The following CATSPERB variants were observed in gnomAD, a reference collection of about 807,000 sequenced individuals.
CATSPERB encodes the protein cation channel sperm-associated auxiliary subunit beta.
CATSPERB carries 93 observed loss-of-function variants against 128.3 expected under a neutral mutation model. The observed-to-expected ratio is 0.72, with a 90% CI of 0.61 to 0.86. The LOEUF (loss-of-function observed/expected upper bound fraction) is 0.86, where lower values mean the gene tolerates loss of function less well. CATSPERB is among the 40% of genes least tolerant of loss of function. The pLI is 0.00. For missense variants in CATSPERB, 1,153 were observed against 1,329.5 expected, an observed-to-expected ratio of 0.87 and a Z score of 2.06; for synonymous variants, 381 against 448.8, an observed-to-expected ratio of 0.85 and a Z score of 1.91.
In CATSPERB at chr14:91,587,277, C is replaced by A; in HGVS notation, c.3058-1G>T. On this transcript the variant is annotated splice_acceptor_variant, in intron 25 of 26. Transcript: ENST00000256343. LOFTEE classifies it high-confidence loss of function. ...CTCTAAAGTGGAAAAGTTCAGAGCC[C>A]TGTGGAAAAAAGCACACCCAGTTGT... The A allele has an allele frequency of 6.3e-7, 1 of 1,599,306 alleles. No individual in the cohort carries two copies. The highest frequency in any genetic ancestry group is 1.1e-5 in the South Asian group (1 of 88,258).
chr14:91,620,090 C>T (rs1014319296), intron 19 of CATSPERB, among the ~76,000 whole-genome samples: 7 of 151,930 alleles, frequency 4.6e-5, no homozygotes, highest in Admixed American at 1.3e-4. Context: ...TATTTCTCAG[C>T]GTGGAATTCT....
intron 7 of CATSPERB, among the ~76,000 whole-genome samples, chr14:91,699,495 A>G (rs909022040): frequency 1.9e-4 from 29 of 152,336 alleles, no homozygotes; most frequent in African/African-American, 7.0e-4. Context: ...CTAAGCAAAA[A>G]GAATAACATT....
chr14:91,635,713 T>C (rs1020123961), intron 17 of CATSPERB: 1 of 152,212 alleles, frequency 6.6e-6, no homozygotes, highest in African/African-American at 2.4e-5. Flanking sequence ...TTAAGGGTTA[T>C]TGACTCTTAC....
At chr14:91,697,171 C>T (rs1024407368) in intron 7 of CATSPERB, among the ~76,000 whole-genome samples, 11 of 152,092 alleles carry the variant, frequency 7.2e-5, no homozygotes, top group Non-Finnish European at 1.5e-4. Context: ...ATGAGACTAG[C>T]ATGCAATTTT....
rs116139864 is a variant in CATSPERB at position 91,651,851 on chromosome 14, G to C, written c.1432+7986C>G. On this transcript the variant is annotated intron_variant, in intron 15 of 26. Transcript: ENST00000256343. ...TTACAAAAGCAGAAAGAAAAGCTTG[G>C]GATGAATATTCAATTCAAGGCCAGA... 3.9e-3 allele frequency among the ~76,000 whole-genome samples: 598 copies of C among 152,178 alleles called. 4 individuals are homozygous for C. Among genetic ancestry groups the C allele is most frequent in the African/African-American group, 0.014 (572 of 41,512 alleles).
At chr14:91,663,076 C>G (rs1191336698) in intron 14 of CATSPERB, among the ~76,000 whole-genome samples, 1 of 152,012 alleles carries the variant, frequency 6.6e-6, no homozygotes, top group Non-Finnish European at 1.5e-5. Context: ...TTCCTCCTCC[C>G]TCCTCCACCT....
At chr14:91,627,679 T>C (rs1894193057) in intron 17 of CATSPERB, among the ~76,000 whole-genome samples, 2 of 152,202 alleles carry the variant, frequency 1.3e-5, no homozygotes, top group Admixed American at 6.5e-5. Flanking sequence ...TCTGGGTTTA[T>C]TAATAGTCTA....
chr14:91,626,735 C>T (rs967056639), intron 17 of CATSPERB, among the ~76,000 whole-genome samples: 1 of 152,134 alleles, frequency 6.6e-6, no homozygotes, highest in Non-Finnish European at 1.5e-5. Flanking sequence ...CCCTCCAGAA[C>T]TGTAAGAAAT....
intron 13 of CATSPERB, among the ~76,000 whole-genome samples, chr14:91,670,969 C>T (rs1180942856): frequency 6.6e-6 from 1 of 152,124 alleles, no homozygotes; most frequent in Non-Finnish European, 1.5e-5. Flanking sequence ...CTCCACTGCA[C>T]TCCAGCCTGG....
intron 5 of CATSPERB, among the ~76,000 whole-genome samples, chr14:91,712,103 T>C (rs1472701061): frequency 1.3e-5 from 2 of 152,182 alleles, no homozygotes; most frequent in African/African-American, 4.8e-5. Flanking sequence ...AGTAAAATAC[T>C]TGCAGTAGAA....
At chr14:91,632,286 A>G (rs1199485686) in intron 17 of CATSPERB, among the ~76,000 whole-genome samples, 2 of 152,198 alleles carry the variant, frequency 1.3e-5, no homozygotes, top group Admixed American at 6.5e-5. Flanking sequence ...GGCTGATGCC[A>G]TGTATCAATA....
At chr14:91,623,620 T>G (rs1894096593) in intron 18 of CATSPERB, among the ~76,000 whole-genome samples, 1 of 152,226 alleles carries the variant, frequency 6.6e-6, no homozygotes, top group Non-Finnish European at 1.5e-5. Flanking sequence ...AAGTTTAATA[T>G]GATCTCTCAC....
intron 19 of CATSPERB, 32 bp downstream of exon 19, chr14:91,621,576 C>G (rs1482687331): frequency 6.9e-7 from 1 of 1,442,026 alleles, no homozygotes; most frequent in African/African-American, 1.4e-5. Context: ...ATAACATTTC[C>G]TTTTTATATT....
Position 91,636,541 on chromosome 14 carries a change from C to G in CATSPERB, c.1626G>C (p.Gln542His), listed in dbSNP as rs1191559995. Residue 542 changes from glutamine (Q) to histidine (H), a missense_variant, in exon 17 of 27, where the codon CAG (glutamine) becomes CAC (histidine). By Grantham distance (24) the Gln-to-His change is conservative. Coordinates refer to ENST00000256343, the MANE Select transcript of CATSPERB (RefSeq NM_024764.4). ...AGATAATTTCATCTAAGGAGGTGTG[C>G]TGTGGGGCAAGCGCAGTCTCAAAGC... ...DMGFETALAP[Q>H]HTSLDEIIFF... 1.2e-6 allele frequency: 2 copies of G among 1,613,944 alleles called. No individual in the cohort carries two copies. Among genetic ancestry groups the G allele is most frequent in the Middle Eastern group, 3.3e-4 (2 of 6,062 alleles).
At chr14:91,694,013 G>A (rs1339954671) in intron 7 of CATSPERB, among the ~76,000 whole-genome samples, 1 of 151,980 alleles carries the variant, frequency 6.6e-6, no homozygotes, top group East Asian at 1.9e-4. Context: ...ACAGCTAATT[G>A]TTCCTTGATT....
rs370487504 is a variant in CATSPERB at position 91,691,254 on chromosome 14, C to T, written c.864+269G>A. ...GCTAGCCTGGACATAGCATAGGAAA[C>T]GGGGTGGGGGTGACCTCTGAAACAG... On this transcript the variant is annotated intron_variant, in intron 10 of 26. Coordinates refer to ENST00000256343, the MANE Select transcript of CATSPERB (RefSeq NM_024764.4). Among the ~76,000 whole-genome samples, 11 of 152,156 alleles carry T rather than the reference C, an allele frequency of 7.2e-5. No homozygotes were observed. In the East Asian group the frequency reaches 9.6e-4, roughly 13 times the overall value.
intron 14 of CATSPERB, among the ~76,000 whole-genome samples, chr14:91,660,827 A>C (rs370851993): frequency 1.1e-3 from 169 of 152,278 alleles, no homozygotes; most frequent in Middle Eastern, 3.4e-3. Context: ...CCCATAGGTG[A>C]CCAGTTAATC....
intron 26 of CATSPERB, 27 bp from the exon 27 acceptor site, chr14:91,581,134 A>C: frequency 6.3e-7 from 1 of 1,581,940 alleles, no homozygotes; most frequent in Non-Finnish European, 8.7e-7. Flanking sequence ...AAAGTCTTTA[A>C]GCTTTCTGAA....
At position 91,725,207 on chromosome 14, in the gene CATSPERB, A is replaced by G. The variant is rs760163144; in HGVS notation, c.80-39T>C. 6 of 932,278 alleles carry G rather than the reference A, an allele frequency of 6.4e-6. No individual in the cohort carries two copies. In the African/African-American group the frequency reaches 1.0e-4, roughly 16 times the overall value. 57.8% of individuals were successfully genotyped at this position (932,278 alleles called of 1,614,324 possible). A position where few individuals can be genotyped will look rare whatever the true frequency, so the allele number is the denominator to read the frequency against. ...AAAATACATATATTAGATCACTGAT[A>G]GAAGACTGTCCATAAAAAGTACCAT... On this transcript the variant is annotated intron_variant, in intron 2 of 26. Transcript: ENST00000256343.
Sources: gnomAD v4.1 joint callset for allele counts (sites outside exome capture counted in the v4.1 genomes callset) on GRCh38, gnomAD v4.1.1 for gene constraint, MANE v1.5 for transcripts, NCBI Gene and HGNC (gene_info 2026-07-23, HGNC 2026-07-21) for gene names.